The following SUCLG2 variants were observed in gnomAD, a reference collection of about 807,000 sequenced individuals.
The protein encoded by SUCLG2 is succinate--CoA ligase [GDP-forming] subunit beta, mitochondrial.
SUCLG2 carries 42 observed loss-of-function variants against 47.9 expected under a neutral mutation model. The ratio of observed to expected loss-of-function variants is 0.88; its 90% CI spans 0.69 to 1.14. The LOEUF (loss-of-function observed/expected upper bound fraction) is 1.14, where lower values mean the gene tolerates loss of function less well. SUCLG2 is among the 50% of genes most tolerant of loss of function. The pLI is 0.00. For missense variants in SUCLG2, 571 were observed against 525.9 expected (o/e 1.09, Z -0.84); for synonymous variants, 195 against 197.3 (o/e 0.99, Z 0.10).
intron 10 of SUCLG2, among the ~76,000 whole-genome samples, chr3:67,365,671 CAT>C (rs1488793440): frequency 2.6e-5 from 4 of 152,274 alleles, no homozygotes; most frequent in East Asian, 1.9e-4. Flanking sequence ...TTCAGTCTAA[CAT>C]GTGTGACTAA....
intron 9 of SUCLG2, among the ~76,000 whole-genome samples, chr3:67,437,071 GTA>G (rs1703642950): frequency 6.6e-6 from 1 of 152,070 alleles, no homozygotes; most frequent in African/African-American, 2.4e-5. Context: ...TATTAATTTT[GTA>G]TATTTCCTTC....
intron 6 of SUCLG2, chr3:67,514,190 A>C (rs1321342885): frequency 1.2e-5 from 4 of 335,550 alleles, no homozygotes; most frequent in Non-Finnish European, 2.4e-5. Flanking sequence ...ACCCCTAAAA[A>C]CTCACTCTTG....
chr3:67,434,757 T>C (rs1211823046), intron 9 of SUCLG2, among the ~76,000 whole-genome samples: 3 of 152,208 alleles, frequency 2.0e-5, no homozygotes. Context: ...AGATTTCATA[T>C]ATATGTGACT....
chr3:67,495,168 T>C (rs532494551), intron 9 of SUCLG2, among the ~76,000 whole-genome samples: 2 of 152,314 alleles, frequency 1.3e-5, no homozygotes, highest in South Asian at 2.1e-4. Context: ...CTCTAAATCA[T>C]GTAAGCATAG....
chr3:67,393,794 C>T (rs967648590), intron 10 of SUCLG2, among the ~76,000 whole-genome samples: 4 of 152,202 alleles, frequency 2.6e-5, no homozygotes, highest in East Asian at 1.9e-4. Flanking sequence ...ACTGACACCT[C>T]ACATGGCCGG....
chr3:67,419,395 AC>A (rs1421432590), intron 9 of SUCLG2, among the ~76,000 whole-genome samples: 1 of 152,170 alleles, frequency 6.6e-6, no homozygotes, highest in Non-Finnish European at 1.5e-5. Context: ...TGGCTTACAA[AC>A]TACAGTGAAT....
Position 67,374,889 on chromosome 3 carries a change from G to C in SUCLG2, c.*855C>G. On this transcript the variant is annotated 3_prime_UTR_variant, in exon 11 of 11. Coordinates refer to ENST00000307227, the MANE Select transcript of SUCLG2 (RefSeq NM_003848.4). Reference sequence around the variant, plus strand: ...TTCTACCATAAACTGGTAGATTCTGGGAGGATGAGGAGTAAGAGAGAAACG... The same window carrying C: ...TTCTACCATAAACTGGTAGATTCTGCGAGGATGAGGAGTAAGAGAGAAACG... The C allele has an allele frequency of 1.0e-6, 1 of 985,178 alleles. No individual in the cohort carries two copies. Among genetic ancestry groups the C allele is most frequent in the Non-Finnish European group, 1.2e-6 (1 of 829,858 alleles). The allele number at this position is 985,178 out of a possible 1,614,324, so 61.0% of individuals were successfully genotyped here.
intron 2 of SUCLG2, among the ~76,000 whole-genome samples, chr3:67,604,616 G>A (rs975131508): frequency 1.3e-5 from 2 of 151,448 alleles, no homozygotes; most frequent in African/African-American, 4.9e-5. Flanking sequence ...CATTAATGAT[G>A]CAGAGCTATT....
At chr3:67,575,667 T>A (rs1707724173) in intron 2 of SUCLG2, among the ~76,000 whole-genome samples, 1 of 152,198 alleles carries the variant, frequency 6.6e-6, no homozygotes, top group Middle Eastern at 3.2e-3. Flanking sequence ...GGTAAATTAA[T>A]GATACATAAA....
chr3:67,538,743 G>A (rs142720153), intron 2 of SUCLG2, among the ~76,000 whole-genome samples: 4 of 152,124 alleles, frequency 2.6e-5, no homozygotes, highest in Non-Finnish European at 4.4e-5. Flanking sequence ...CTTGAGCAGT[G>A]GTTTGTAGTC....
At chr3:67,457,789 T>C (rs554015902) in intron 9 of SUCLG2, among the ~76,000 whole-genome samples, 20 of 149,632 alleles carry the variant, frequency 1.3e-4, no homozygotes, top group African/African-American at 4.9e-4. Flanking sequence ...ATGGGACCTT[T>C]ACCATGCATG....
chr3:67,642,951 T>TGTGTGTGTGTGTGTGA (rs1553675855), intron 1 of SUCLG2, among the ~76,000 whole-genome samples: 3 of 141,546 alleles, frequency 2.1e-5, no homozygotes, highest in African/African-American at 7.5e-5. Context: ...TGTGTGTGTG[T>TGTGTGTGTGTGTGTGA]GAGAGAGATG....
At chr3:67,585,296 C>T (rs576861073) in intron 2 of SUCLG2, among the ~76,000 whole-genome samples, 38 of 152,148 alleles carry the variant, frequency 2.5e-4, no homozygotes, top group African/African-American at 7.5e-4. Flanking sequence ...TCCAGTCCTT[C>T]GAATTAGGTT....
chr3:67,396,773 A>G (rs566677023), intron 10 of SUCLG2, among the ~76,000 whole-genome samples: 6 of 152,346 alleles, frequency 3.9e-5, no homozygotes, highest in South Asian at 2.1e-4. Flanking sequence ...AAAATCCTCA[A>G]TAAAATACTG....
chr3:67,646,653 GA>G (rs374112567), intron 1 of SUCLG2, among the ~76,000 whole-genome samples: 3,037 of 144,248 alleles, frequency 0.021, 99 homozygotes, highest in African/African-American at 0.071. Context: ...ATGTGAAAAA[GA>G]AAAAAAAAAG....
chr3:67,429,802 A>T (rs748512740), intron 9 of SUCLG2, among the ~76,000 whole-genome samples: 8 of 152,216 alleles, frequency 5.3e-5, no homozygotes, highest in Admixed American at 2.0e-4. Context: ...TTGCAATCCT[A>T]GTTTCTGATA....
intron 1 of SUCLG2, among the ~76,000 whole-genome samples, chr3:67,610,914 G>A (rs917729849): frequency 1.3e-5 from 2 of 152,094 alleles, no homozygotes; most frequent in Non-Finnish European, 2.9e-5. Flanking sequence ...CCCACTACTA[G>A]ACTGTGTTCC....
intron 1 of SUCLG2, 146 bp from the exon 2 acceptor site, chr3:67,609,742 T>A: frequency 1.5e-6 from 1 of 668,396 alleles, no homozygotes; most frequent in Non-Finnish European, 2.4e-6. Flanking sequence ...AAAACCCACT[T>A]AAATTCATGC....
At chr3:67,578,236 T>A (rs917812321) in intron 2 of SUCLG2, among the ~76,000 whole-genome samples, 20 of 146,610 alleles carry the variant, frequency 1.4e-4, no homozygotes, top group Admixed American at 8.9e-4. Context: ...ATATAAAAAA[T>A]TTTACATATA....
Sources: allele counts gnomAD v4.1 joint callset (sites outside exome capture counted in the v4.1 genomes callset), GRCh38; gene constraint gnomAD v4.1.1; transcripts MANE v1.5; gene names NCBI Gene and HGNC (gene_info 2026-07-23, HGNC 2026-07-21).